Variants in FYB2 observed in about 807,000 individuals in gnomAD.
FYB2 encodes the protein FYN binding protein 2, also known as FYN-binding protein 2.
In FYB2, 103 loss-of-function variants were observed where a neutral mutation model predicts 94.1. The ratio of observed to expected loss-of-function variants is 1.09; its 90% CI spans 0.93 to 1.29. The LOEUF is 1.29. Ranked by LOEUF, FYB2 falls within the 50% of genes most tolerant of loss-of-function variation. FYB2 has a pLI of 0.00. For synonymous variants in FYB2, 293 were observed against 287.9 expected (o/e 1.02, Z -0.18); for missense variants, 896 against 841.5 (o/e 1.06, Z -0.80).
At chr1:56,748,396 T>C (rs1239931465) in intron 9 of FYB2, among the ~76,000 whole-genome samples, 1 of 152,122 alleles carries the variant, frequency 6.6e-6, no homozygotes, top group East Asian at 1.9e-4. Context: ...CATTTAAGTC[T>C]TTAATCCCTC....
rs1174282139 is a variant in FYB2, at chr1:56,792,055, C to A, written c.757+1G>T. 15 of 1,571,716 alleles carry A rather than the reference C, an allele frequency of 9.5e-6. No individual in the cohort carries two copies. Among genetic ancestry groups the A allele is most frequent in the South Asian group, 1.2e-5 (1 of 82,302 alleles). On this transcript the variant is annotated splice_donor_variant, in intron 2 of 19. Coordinates refer to ENST00000343433, the MANE Select transcript of FYB2 (RefSeq NM_001004303.5). LOFTEE classifies it high-confidence loss of function. Reference sequence around the variant, plus strand: ...TGTCCCATGGGGATCACGTTTGTTACCTGGGGCCTGACTGGCAAGCTCACA... The same window carrying A: ...TGTCCCATGGGGATCACGTTTGTTAACTGGGGCCTGACTGGCAAGCTCACA...
chr1:56,763,536 G>T (rs1441574929), intron 5 of FYB2, among the ~76,000 whole-genome samples: 1 of 152,060 alleles, frequency 6.6e-6, no homozygotes, highest in African/African-American at 2.4e-5. Flanking sequence ...GTTTAAATGT[G>T]GAGAGTTGTT....
At chr1:56,726,640 A>G in intron 15 of FYB2, 57 bp from the exon 16 acceptor site, 1 of 1,364,198 alleles carries the variant, frequency 7.3e-7, no homozygotes, top group Non-Finnish European at 1.0e-6. Flanking sequence ...TATTCATGGA[A>G]CCATCAACAC....
At chr1:56,789,884 A>T (rs986498868) in intron 2 of FYB2, among the ~76,000 whole-genome samples, 17 of 152,162 alleles carry the variant, frequency 1.1e-4, no homozygotes, top group African/African-American at 4.1e-4. Flanking sequence ...TGGCTCTATA[A>T]AAAGGAATAA....
At chr1:56,728,406 A>T (rs1265538256) in intron 15 of FYB2, among the ~76,000 whole-genome samples, 1 of 152,118 alleles carries the variant, frequency 6.6e-6, no homozygotes. Flanking sequence ...ATGTTTTGGT[A>T]TCAGGCACGT....
intron 8 of FYB2, 41 bp downstream of exon 8, chr1:56,753,798 T>G: frequency 7.1e-7 from 1 of 1,407,506 alleles, no homozygotes; most frequent in Non-Finnish European, 1.0e-6. Context: ...TGAACTGATC[T>G]GTTATATGTC....
At position 56,789,450 on chromosome 1, in the gene FYB2, C is replaced by T. The variant is rs183377685; in HGVS notation, c.758-316G>A. Among the ~76,000 whole-genome samples, 343 of 152,318 alleles carry T rather than the reference C, an allele frequency of 2.3e-3. 2 individuals carry two copies. Among genetic ancestry groups the T allele is most frequent in the African/African-American group, 7.9e-3 (329 of 41,576 alleles). On this transcript the variant is annotated intron_variant, in intron 2 of 19. Coordinates refer to ENST00000343433, the MANE Select transcript of FYB2 (RefSeq NM_001004303.5). The stretch of plus-strand genomic sequence containing the variant: ...AAGCCCAAATATTTTTCACACACAT[C>T]ACTGGCTTCTCCATTCTCCGTATTT...
intron 1 of FYB2, among the ~76,000 whole-genome samples, chr1:56,813,649 T>A (rs2101095422): frequency 6.6e-6 from 1 of 152,052 alleles, no homozygotes; most frequent in Middle Eastern, 3.4e-3. Context: ...TCAACATGAG[T>A]TTGGGAGGGG....
intron 4 of FYB2, 33 bp from the exon 5 acceptor site, chr1:56,767,971 T>C: frequency 1.4e-6 from 2 of 1,452,022 alleles, no homozygotes; most frequent in Non-Finnish European, 1.9e-6. Context: ...AAATGTAACA[T>C]TTTTAAAAAC....
intron 5 of FYB2, among the ~76,000 whole-genome samples, chr1:56,761,622 A>C (rs1645496747): frequency 6.6e-6 from 1 of 152,178 alleles, no homozygotes; most frequent in Admixed American, 6.5e-5. Flanking sequence ...ATGTATGCCC[A>C]ATGCCAAGTT....
chr1:56,811,928 C>CA (rs1432030470), intron 1 of FYB2, among the ~76,000 whole-genome samples: 3 of 122,960 alleles, frequency 2.4e-5, no homozygotes, highest in Non-Finnish European at 3.9e-5. Context: ...CTTTCCTAAC[C>CA]ATTTTTTTTT....
intron 7 of FYB2, 120 bp downstream of exon 7, chr1:56,755,776 G>A: frequency 1.0e-6 from 1 of 965,188 alleles, no homozygotes; most frequent in South Asian, 1.5e-5. Flanking sequence ...CAAGGTGCCG[G>A]GGAAACTGAA....
chr1:56,784,631 A>G (rs1314433328), intron 4 of FYB2, among the ~76,000 whole-genome samples: 1 of 152,078 alleles, frequency 6.6e-6, no homozygotes, highest in African/African-American at 2.4e-5. Flanking sequence ...ACATTAGAAT[A>G]TTTTTTGTCT....
intron 8 of FYB2, among the ~76,000 whole-genome samples, chr1:56,751,627 G>A (rs1645201231): frequency 6.6e-6 from 1 of 151,998 alleles, no homozygotes; most frequent in South Asian, 2.1e-4. Flanking sequence ...TGTTCCAAGG[G>A]ATGCTATGTA....
At chr1:56,794,864 T>C (rs1646358755) in intron 1 of FYB2, among the ~76,000 whole-genome samples, 2 of 152,134 alleles carry the variant, frequency 1.3e-5, no homozygotes, top group Admixed American at 6.5e-5. Flanking sequence ...TGAGCCTTAT[T>C]TTCCTCACTA....
rs1350408280 is a variant in FYB2, at chr1:56,753,882, G to A, written c.1184C>T (p.Pro395Leu). The change falls in exon 8 of 20, where the codon CCT (proline) becomes CTT (leucine). Residue 395 changes from proline (P) to leucine (L), a missense_variant. Coordinates refer to ENST00000343433, the MANE Select transcript of FYB2 (RefSeq NM_001004303.5). ...ATATGGTTCCTTTTCTGTGTTTTTA[G>A]GTTTCAATTCACATGGTTGTTTTTC... is the stretch of plus-strand genomic sequence containing the variant. ...MKEKQPCELK[P>L]KNTEKEPYSN... The A allele has an allele frequency of 3.1e-6, 5 of 1,611,522 alleles. No homozygotes were observed. The East Asian group carries it at 1.1e-4, about 36-fold the overall frequency.
At chr1:56,771,732 C>T (rs973771407) in intron 4 of FYB2, among the ~76,000 whole-genome samples, 3 of 152,228 alleles carry the variant, frequency 2.0e-5, no homozygotes, top group Middle Eastern at 3.4e-3. Context: ...AACCTCTGAA[C>T]GTTAATACAA....
intron 6 of FYB2, among the ~76,000 whole-genome samples, chr1:56,756,334 G>A (rs1341063702): frequency 2.0e-5 from 3 of 152,040 alleles, no homozygotes; most frequent in African/African-American, 4.8e-5. Context: ...TCCGTTACTC[G>A]CTGATCATGT....
chr1:56,778,515 T>C (rs1645934870), intron 4 of FYB2, among the ~76,000 whole-genome samples: 1 of 152,174 alleles, frequency 6.6e-6, no homozygotes, highest in Admixed American at 6.6e-5. Flanking sequence ...GACAGGTAGA[T>C]GATGTCACAT....
Sources: gnomAD v4.1 joint callset for allele counts (sites outside exome capture counted in the v4.1 genomes callset) on GRCh38, gnomAD v4.1.1 for gene constraint, MANE v1.5 for transcripts, NCBI Gene and HGNC (gene_info 2026-07-23, HGNC 2026-07-21) for gene names.